Variants in NOS1AP observed in about 807,000 individuals in gnomAD.
NOS1AP encodes the protein carboxyl-terminal PDZ ligand of neuronal nitric oxide synthase protein.
A neutral mutation model predicts 56.2 loss-of-function variants in NOS1AP; 21 were observed. That is an observed-to-expected ratio of 0.37 (90% CI 0.26 to 0.54). NOS1AP has a LOEUF of 0.54. Ranked by LOEUF, NOS1AP falls within the 20% of genes least tolerant of loss-of-function variation. The pLI is 0.84. For missense variants in NOS1AP, 522 were observed against 657.8 expected, an observed-to-expected ratio of 0.79 and a Z score of 2.26; for synonymous variants, 270 against 274.6, an observed-to-expected ratio of 0.98 and a Z score of 0.17.
chr1:162,327,265 T>G (rs1433352405), intron 4 of NOS1AP, among the ~76,000 whole-genome samples: 1 of 152,058 alleles, frequency 6.6e-6, no homozygotes. Context: ...AAAACCGAAG[T>G]TCAAAACCAA....
At chr1:162,181,387 A>T (rs537602880) in intron 2 of NOS1AP, among the ~76,000 whole-genome samples, 1 of 152,380 alleles carries the variant, frequency 6.6e-6, no homozygotes, top group East Asian at 1.9e-4. Context: ...ATGTTGGAAA[A>T]AAATTACAAC....
At chr1:162,238,867 T>C (rs575172726) in intron 2 of NOS1AP, among the ~76,000 whole-genome samples, 1 of 152,332 alleles carries the variant, frequency 6.6e-6, no homozygotes, top group Admixed American at 6.5e-5. Flanking sequence ...CCTGCACCCA[T>C]GTTACTCAGC....
At chr1:162,145,278 T>C (rs778182393) in intron 1 of NOS1AP, among the ~76,000 whole-genome samples, 1 of 152,104 alleles carries the variant, frequency 6.6e-6, no homozygotes, top group Non-Finnish European at 1.5e-5. Flanking sequence ...GGGTTGGCAC[T>C]GAGGCTTCTC....
intron 1 of NOS1AP, among the ~76,000 whole-genome samples, chr1:162,135,455 C>G (rs537923614): frequency 6.6e-6 from 1 of 152,134 alleles, no homozygotes; most frequent in African/African-American, 2.4e-5. Context: ...AGGACAGGAA[C>G]AGTTGGTACA....
rs974146366 is a variant in NOS1AP, at chr1:162,114,449, A to G, written c.106-39956A>G. Among the ~76,000 whole-genome samples the G allele has an allele frequency of 1.6e-4, 24 of 152,212 alleles. No homozygotes were observed. In the South Asian group the frequency reaches 3.5e-3, roughly 22 times the overall value. ...TTTTGACTGATTGAATCAGGCTCACATATATTATCTTGGATGGTTTCCCTA... is the reference window on the plus strand; with the variant it reads ...TTTTGACTGATTGAATCAGGCTCACGTATATTATCTTGGATGGTTTCCCTA... On this transcript the variant is annotated intron_variant, in intron 1 of 9. Coordinates refer to ENST00000361897, the MANE Select transcript of NOS1AP (RefSeq NM_014697.3).
At chr1:162,146,115 T>C (rs1331321276) in intron 1 of NOS1AP, among the ~76,000 whole-genome samples, 2 of 152,158 alleles carry the variant, frequency 1.3e-5, no homozygotes, top group African/African-American at 4.8e-5. Flanking sequence ...GGCAGGGACC[T>C]TTACGTTATG....
At chr1:162,244,726 C>CT (rs1305499700) in intron 2 of NOS1AP, among the ~76,000 whole-genome samples, 2 of 152,188 alleles carry the variant, frequency 1.3e-5, no homozygotes, top group Non-Finnish European at 2.9e-5. Context: ...TCTCTGGCCT[C>CT]TACCCATTGG....
intron 3 of NOS1AP, among the ~76,000 whole-genome samples, chr1:162,289,974 T>C (rs1029768066): frequency 3.9e-5 from 6 of 152,174 alleles, no homozygotes; most frequent in Non-Finnish European, 7.3e-5. Context: ...CCATTGTGCA[T>C]GTGAGAAAAC....
intron 2 of NOS1AP, among the ~76,000 whole-genome samples, chr1:162,264,486 C>CTCCCT (rs1654354343): frequency 8.8e-6 from 1 of 113,116 alleles, no homozygotes; most frequent in Non-Finnish European, 1.8e-5. Context: ...CTCCCCTCCC[C>CTCCCT]TCTCCTCCTC....
chr1:162,320,460 G>A (rs1186081144), intron 4 of NOS1AP, among the ~76,000 whole-genome samples: 1 of 152,280 alleles, frequency 6.6e-6, no homozygotes, highest in Non-Finnish European at 1.5e-5. Context: ...TTGCTTGAAA[G>A]CAAAAGGATA....
At chr1:162,232,285 C>A (rs1183853453) in intron 2 of NOS1AP, among the ~76,000 whole-genome samples, 2 of 152,132 alleles carry the variant, frequency 1.3e-5, no homozygotes, top group African/African-American at 2.4e-5. Flanking sequence ...ATTTATGGGA[C>A]AAGGGAAGGT....
intron 1 of NOS1AP, among the ~76,000 whole-genome samples, chr1:162,143,982 G>C (rs1013428720): frequency 1.3e-5 from 2 of 152,174 alleles, no homozygotes; most frequent in Non-Finnish European, 2.9e-5. Context: ...TCAGTTTACT[G>C]TTCTCCAGTA....
intron 2 of NOS1AP, among the ~76,000 whole-genome samples, chr1:162,248,440 A>G (rs907133708): frequency 1.3e-5 from 2 of 152,166 alleles, no homozygotes; most frequent in African/African-American, 4.8e-5. Context: ...TTTTAAATTT[A>G]CCATAATCTT....
At chr1:162,258,547 T>A (rs916091491) in intron 2 of NOS1AP, among the ~76,000 whole-genome samples, 8 of 152,208 alleles carry the variant, frequency 5.3e-5, no homozygotes, top group Non-Finnish European at 1.0e-4. Flanking sequence ...TGTGGTTCTA[T>A]GTGTCTTATC....
At chr1:162,366,820 T>C (rs895806243) in intron 9 of NOS1AP, 7 of 609,254 alleles carry the variant, frequency 1.1e-5, no homozygotes, top group Non-Finnish European at 2.1e-5. Context: ...ATATGGTTCT[T>C]ATGTCCCCGC....
intron 2 of NOS1AP, among the ~76,000 whole-genome samples, chr1:162,257,140 C>G (rs1018900293): frequency 1.3e-5 from 2 of 152,128 alleles, no homozygotes; most frequent in Non-Finnish European, 2.9e-5. Context: ...CATTACATAG[C>G]CAGCTGCATT....
chr1:162,361,734 A>G (rs976333958), intron 8 of NOS1AP, among the ~76,000 whole-genome samples: 2 of 152,366 alleles, frequency 1.3e-5, no homozygotes, highest in Middle Eastern at 3.4e-3. Context: ...CTTGGTGCCA[A>G]TGGATCTGCG....
intron 2 of NOS1AP, among the ~76,000 whole-genome samples, chr1:162,223,393 T>C (rs1157469393): frequency 1.3e-5 from 2 of 152,146 alleles, no homozygotes; most frequent in Admixed American, 6.5e-5. Context: ...AAAGCAGCTA[T>C]AGAATAGATT....
intron 4 of NOS1AP, among the ~76,000 whole-genome samples, chr1:162,326,360 A>C (rs558105653): frequency 6.6e-6 from 1 of 152,126 alleles, no homozygotes; most frequent in South Asian, 2.1e-4. Flanking sequence ...CCCCATGGAG[A>C]TGAGGGGCAT....
Sources: gnomAD v4.1 joint callset for allele counts (sites outside exome capture counted in the v4.1 genomes callset) on GRCh38, gnomAD v4.1.1 for gene constraint, MANE v1.5 for transcripts, NCBI Gene and HGNC (gene_info 2026-07-23, HGNC 2026-07-21) for gene names.